Variants in TRIM9 observed in about 807,000 individuals in gnomAD.
The protein encoded by TRIM9 is tripartite motif containing 9.
A neutral mutation model predicts 78.3 loss-of-function variants in TRIM9; 26 were observed. That is an observed-to-expected ratio of 0.33 (90% confidence interval 0.24 to 0.46). The LOEUF is 0.46. TRIM9 is among the 20% of genes least tolerant of loss of function. The probability of loss-of-function intolerance (pLI) is 1.00; values close to 1 mark genes in which losing one functional copy is unlikely to be tolerated. For missense variants in TRIM9, 787 were observed against 1,036.4 expected (o/e 0.76, Z 3.30); for synonymous variants, 398 against 416.5 (o/e 0.96, Z 0.54).
chr14:50,981,788 G>A lies in TRIM9; in HGVS notation c.2162+12C>T. 3.7e-6 allele frequency: 6 copies of A among 1,613,236 alleles called. No individual in the cohort carries two copies. Among genetic ancestry groups the A allele is most frequent in the Non-Finnish European group, 5.1e-6 (6 of 1,179,236 alleles). ...AACGTGAAGAAGGCTTGGTTTGGGGGCTGCAGGGTACCTGTTGGTGTGCGA... is the reference window on the plus strand; with the variant it reads ...AACGTGAAGAAGGCTTGGTTTGGGGACTGCAGGGTACCTGTTGGTGTGCGA... On this transcript the variant is annotated intron_variant, in intron 11 of 12. Transcript: ENST00000684578.
intron 1 of TRIM9, among the ~76,000 whole-genome samples, chr14:51,060,564 T>C (rs900615562): frequency 3.9e-5 from 6 of 152,190 alleles, no homozygotes; most frequent in Non-Finnish European, 8.8e-5. Flanking sequence ...CTTCCAGGGT[T>C]CACACCATTC....
chr14:51,033,434 A>G lies in TRIM9; in HGVS notation c.823-8074T>C, dbSNP rs181036059. 8.8e-4 allele frequency among the ~76,000 whole-genome samples: 134 copies of G among 152,356 alleles called. 1 individual carries two copies. The South Asian group carries it at 0.022, about 25-fold the overall frequency. On this transcript the variant is annotated intron_variant, in intron 1 of 12. Coordinates refer to ENST00000684578, the MANE Select transcript of TRIM9 (RefSeq NM_001387360.1). ...AAGAATAAAGTTAAAATATACATAC[A>G]TAAATCACGAAAACACTTTTGTCAT...
intron 1 of TRIM9, among the ~76,000 whole-genome samples, chr14:51,051,357 T>C (rs1018925769): frequency 6.6e-6 from 1 of 152,188 alleles, no homozygotes; most frequent in Non-Finnish European, 1.5e-5. Flanking sequence ...GGAGCAGTTA[T>C]TCTTCATTCC....
At chr14:51,053,247 G>A (rs1038442363) in intron 1 of TRIM9, among the ~76,000 whole-genome samples, 8 of 151,218 alleles carry the variant, frequency 5.3e-5, no homozygotes, top group Admixed American at 4.6e-4. Flanking sequence ...CTTAAAAAAT[G>A]TCTTACACAG....
rs781466389 is a variant in TRIM9 at position 50,986,052 on chromosome 14, G to C, written c.1696C>G (p.Leu566Val). The stretch of plus-strand genomic sequence containing the variant: ...GATCTCCCGGGGAAGCTGGGTTGTA[G>C]ATTAAGGGTGGAGGAGAAAGGACTC... ...RMSPFSSTLNLQPSFPGRSYF... is the reference protein window; with the variant it reads ...RMSPFSSTLNVQPSFPGRSYF... The change falls in exon 8 of 13, where the codon CTA becomes GTA. Residue 566 changes from leucine to valine, a missense_variant. Physicochemically the swap from Leu to Val is conservative, Grantham distance 32. This residue lies in a region of TRIM9 where 421 missense variants were observed against 514.3 expected (regional missense o/e 0.82). Coordinates refer to ENST00000684578, the MANE Select transcript of TRIM9 (RefSeq NM_001387360.1). 104 of 1,550,060 alleles carry C rather than the reference G, an allele frequency of 6.7e-5. No homozygotes were observed. The highest frequency in any genetic ancestry group is 8.9e-5 in the Non-Finnish European group (102 of 1,146,690).
At chr14:51,011,748 T>C (rs572794207) in intron 3 of TRIM9, among the ~76,000 whole-genome samples, 53 of 152,328 alleles carry the variant, frequency 3.5e-4, no homozygotes, top group South Asian at 1.2e-3. Context: ...AAAAAGCAAA[T>C]ACTCTTATCA....
intron 7 of TRIM9, chr14:50,997,548 T>G: frequency 3.0e-6 from 3 of 990,074 alleles, no homozygotes; most frequent in Non-Finnish European, 3.6e-6. Flanking sequence ...AGGCCCTCTC[T>G]AAACAGCTCT....
At chr14:51,019,737 G>A (rs1046056887) in intron 3 of TRIM9, among the ~76,000 whole-genome samples, 1 of 152,104 alleles carries the variant, frequency 6.6e-6, no homozygotes, top group Non-Finnish European at 1.5e-5. Flanking sequence ...TGCCCTATGA[G>A]GTACCACTTC....
At chr14:51,036,926 T>C (rs367753903) in intron 1 of TRIM9, among the ~76,000 whole-genome samples, 10 of 152,232 alleles carry the variant, frequency 6.6e-5, no homozygotes, top group African/African-American at 2.4e-4. Flanking sequence ...ATATTTCTAG[T>C]TGTAATAAAC....
chr14:51,028,191 T>A (rs1351727981), intron 1 of TRIM9, among the ~76,000 whole-genome samples: 1 of 152,214 alleles, frequency 6.6e-6, no homozygotes, highest in African/African-American at 2.4e-5. Context: ...ATTTCCTCTT[T>A]GTGTTTATGG....
chr14:51,073,191 GTACTAC>G (rs2062451859), intron 1 of TRIM9, among the ~76,000 whole-genome samples: 1 of 152,178 alleles, frequency 6.6e-6, no homozygotes, highest in Admixed American at 6.5e-5. Flanking sequence ...AGAATGAGGA[GTACTAC>G]TGGGAGAGAT....
At chr14:51,059,658 C>T (rs997962090) in intron 1 of TRIM9, among the ~76,000 whole-genome samples, 24 of 151,964 alleles carry the variant, frequency 1.6e-4, no homozygotes, top group African/African-American at 5.3e-4. Context: ...ATTAGCCGGG[C>T]GTGGTGGCAC....
rs2056425327 is a variant in TRIM9, at chr14:51,010,409, T to G, written c.1127A>C (p.Glu376Ala). The G allele has an allele frequency of 6.2e-7, 1 of 1,613,894 alleles. No individual in the cohort carries two copies. Among genetic ancestry groups the G allele is most frequent in the African/African-American group, 1.3e-5 (1 of 74,896 alleles). ...CTGCAAAAAACCACTAGGATCATTT[T>G]CCTTAATCACCTCCAAGCAGTACTC... ...LMEYCLEVIK[E>A]NDPSGFLQIS... The change falls in exon 4 of 13, where the codon GAA (glutamate) becomes GCA (alanine). Residue 376 changes from glutamate (E) to alanine (A), a missense_variant. By Grantham distance (107) the Glu-to-Ala change is moderately radical. Transcript: ENST00000684578.
At chr14:51,046,098 C>T (rs1489920828) in intron 1 of TRIM9, among the ~76,000 whole-genome samples, 2 of 151,626 alleles carry the variant, frequency 1.3e-5, no homozygotes, top group African/African-American at 4.8e-5. Flanking sequence ...TTTGGAATGA[C>T]CGCGTTTTAG....
intron 1 of TRIM9, among the ~76,000 whole-genome samples, chr14:51,069,070 G>A (rs2061988969): frequency 6.6e-6 from 1 of 152,128 alleles, no homozygotes; most frequent in Non-Finnish European, 1.5e-5. Context: ...AGGGGACTAT[G>A]GTAAGGATTT....
At chr14:50,981,444 G>T (rs2051882766) in intron 11 of TRIM9, among the ~76,000 whole-genome samples, 1 of 152,168 alleles carries the variant, frequency 6.6e-6, no homozygotes, top group Admixed American at 6.5e-5. Context: ...GGAAACTGAG[G>T]TTCAAAAAAC....
intron 1 of TRIM9, among the ~76,000 whole-genome samples, chr14:51,075,770 G>C (rs1181089108): frequency 6.6e-6 from 1 of 152,152 alleles, no homozygotes; most frequent in Non-Finnish European, 1.5e-5. Flanking sequence ...GAGTGGGTCT[G>C]ATCGATCTGA....
At chr14:51,066,565 C>T (rs985652980) in intron 1 of TRIM9, among the ~76,000 whole-genome samples, 1 of 152,142 alleles carries the variant, frequency 6.6e-6, no homozygotes, top group Non-Finnish European at 1.5e-5. Context: ...CCCATGGCTT[C>T]GAATCATGTA....
At chr14:50,992,633 T>C (rs1321882104) in intron 7 of TRIM9, among the ~76,000 whole-genome samples, 1 of 152,096 alleles carries the variant, frequency 6.6e-6, no homozygotes, top group Admixed American at 6.5e-5. Context: ...AAAAAGATTC[T>C]GGACAGATGC....
Sources: gnomAD v4.1 joint callset for allele counts (sites outside exome capture counted in the v4.1 genomes callset) on GRCh38, gnomAD v4.1.1 for gene constraint, gnomAD v4.1.1 regional missense constraint, MANE v1.5 for transcripts, NCBI Gene and HGNC (gene_info 2026-07-23, HGNC 2026-07-21) for gene names.